The following SLC7A9 variants were observed in gnomAD, a reference collection of about 807,000 sequenced individuals.
The protein encoded by SLC7A9 is B(0,+)-type amino acid transporter 1.
Under a neutral mutation model 54.1 loss-of-function variants are expected in SLC7A9, and 38 were observed. That is an observed-to-expected ratio of 0.70 (90% CI 0.54 to 0.92). The LOEUF is 0.92. Ranked by LOEUF, SLC7A9 falls within the 40% of genes least tolerant of loss-of-function variation. The pLI is 0.00. For synonymous variants in SLC7A9, 264 were observed against 258.9 expected (o/e 1.02, Z -0.19); for missense variants, 537 against 636.1 (o/e 0.84, Z 1.68).
chr19:32,851,213 C>G (rs1256538854), intron 9 of SLC7A9, among the ~76,000 whole-genome samples: 1 of 151,570 alleles, frequency 6.6e-6, no homozygotes. Context: ...ACAGCAAAAG[C>G]AACTACCATC....
chr19:32,834,785 G>A lies in SLC7A9; in HGVS notation c.1225-1462C>T, dbSNP rs113333015. On this transcript the variant is annotated intron_variant, in intron 11 of 12. Coordinates refer to ENST00000023064, the MANE Select transcript of SLC7A9 (RefSeq NM_014270.5). The stretch of plus-strand genomic sequence containing the variant: ...GTCATTGCATTTTTCCTTTGACTGT[G>A]TTTTTTTGTTTGTTTTGTTTCCCAA... Among the ~76,000 whole-genome samples, 32 of 152,086 alleles carry A rather than the reference G, an allele frequency of 2.1e-4. 1 individual carries two copies. Among genetic ancestry groups the A allele is most frequent in the African/African-American group, 7.7e-4 (32 of 41,514 alleles).
chr19:32,830,811 A>AGG lies in SLC7A9; in HGVS notation c.1400-129_1400-128dup, dbSNP rs10645053. 0.55 allele frequency: 416,580 copies of AGG among 751,580 alleles called. 119,485 individuals are homozygous for AGG. Among genetic ancestry groups the AGG allele is most frequent in the East Asian group, 0.85 (32,297 of 37,878 alleles). The allele number at this position is 751,580 out of a possible 1,614,324, so 46.6% of individuals were successfully genotyped here. On this transcript the variant is annotated intron_variant, in intron 12 of 12. Coordinates refer to ENST00000023064, the MANE Select transcript of SLC7A9 (RefSeq NM_014270.5). ...GATGCGTCACCTAGACCCTGTGCTC[A>AGG]GGATGGCCAGCTTTCCTGCCTTCTG...
At chr19:32,869,115 C>T (rs1469662498) in intron 1 of SLC7A9, among the ~76,000 whole-genome samples, 1 of 151,016 alleles carries the variant, frequency 6.6e-6, no homozygotes, top group Non-Finnish European at 1.5e-5. Flanking sequence ...CCCAGCTACT[C>T]GGGAGGCTGA....
chr19:32,855,703 A>G (rs966851647), intron 9 of SLC7A9, among the ~76,000 whole-genome samples: 1 of 150,176 alleles, frequency 6.7e-6, no homozygotes, highest in Admixed American at 6.7e-5. Context: ...CTCCGTCTCA[A>G]AAAAAAAAAT....
intron 9 of SLC7A9, among the ~76,000 whole-genome samples, chr19:32,845,752 A>C (rs550832546): frequency 2.6e-4 from 39 of 152,338 alleles, no homozygotes; most frequent in Middle Eastern, 3.4e-3. Context: ...TCATGCCTGT[A>C]ATCCCAGGAC....
At chr19:32,844,092 T>A in intron 9 of SLC7A9, 141 bp from the exon 10 acceptor site, 1 of 703,336 alleles carries the variant, frequency 1.4e-6, no homozygotes, top group Non-Finnish European at 2.6e-6. Flanking sequence ...GAGCTTCAGA[T>A]GGGGGTCTGT....
At chr19:32,852,071 A>T (rs7507425) in intron 9 of SLC7A9, among the ~76,000 whole-genome samples, 24,729 of 151,996 alleles carry the variant, frequency 0.16, 2,398 homozygotes, top group East Asian at 0.51. Context: ...ACCTAACGTT[A>T]AAATGACGAG....
intron 9 of SLC7A9, among the ~76,000 whole-genome samples, chr19:32,852,184 TA>T (rs200269134): frequency 1.3e-5 from 2 of 150,548 alleles, no homozygotes; most frequent in Non-Finnish European, 1.5e-5. Context: ...ATAATAAAAT[TA>T]AAAAAAAAGA....
At position 32,868,476 on chromosome 19, in the gene SLC7A9, T is replaced by C; in HGVS notation, c.59A>G (p.Glu20Gly). The C allele has an allele frequency of 6.2e-7, 1 of 1,614,066 alleles. No individual in the cohort carries two copies. Among genetic ancestry groups the C allele is most frequent in the Non-Finnish European group, 8.5e-7 (1 of 1,180,002 alleles). ...CTTTTGGAGACTGGTGGTCTTAGGC[T>C]CTTGGCTCTGGATCGACTTCTCATC... ...REDEKSIQSQ[E>G]PKTTSLQKEL... is the part of the protein sequence containing the mutation. Residue 20 changes from glutamate (E) to glycine (G), a missense_variant, in exon 2 of 13, where the codon GAG becomes GGG. By Grantham distance (98) the Glu-to-Gly change is moderately conservative. Transcript: ENST00000023064.
chr19:32,855,650 C>A (rs183837364), intron 9 of SLC7A9, among the ~76,000 whole-genome samples: 1 of 151,692 alleles, frequency 6.6e-6, no homozygotes, highest in Non-Finnish European at 1.5e-5. Flanking sequence ...TGCAGTGAGC[C>A]GAGATCATGC....
At chr19:32,866,126 G>A (rs1968963934) in intron 2 of SLC7A9, among the ~76,000 whole-genome samples, 1 of 152,192 alleles carries the variant, frequency 6.6e-6, no homozygotes, top group Admixed American at 6.5e-5. Flanking sequence ...ACCTGTCTGG[G>A]AAGAAGCTGG....
intron 9 of SLC7A9, among the ~76,000 whole-genome samples, chr19:32,852,281 G>A (rs561335883): frequency 7.9e-5 from 12 of 152,022 alleles, no homozygotes; most frequent in Admixed American, 2.0e-4. Flanking sequence ...GCTTGAGGCC[G>A]GGAGTTTGAG....
intron 9 of SLC7A9, among the ~76,000 whole-genome samples, chr19:32,851,275 T>C (rs1423033597): frequency 1.3e-5 from 2 of 151,646 alleles, no homozygotes; most frequent in Non-Finnish European, 3.0e-5. Flanking sequence ...AACCTACTCA[T>C]CTGACAAAGG....
chr19:32,864,486 C>T (rs534674553), intron 3 of SLC7A9, 143 bp downstream of exon 3: 3 of 1,506,122 alleles, frequency 2.0e-6, no homozygotes, highest in South Asian at 1.1e-5. Context: ...CAGCGTTGGA[C>T]ATTCAGTCCA....
At chr19:32,862,879 C>G in intron 4 of SLC7A9, 1 of 204,650 alleles carries the variant, frequency 4.9e-6, no homozygotes, top group Non-Finnish European at 9.7e-6. Context: ...GAGGTTCTAG[C>G]GGGGGAGCGC....
Position 32,864,730 on chromosome 19 carries a change from C to A in SLC7A9, c.134G>T (p.Gly45Val). 6.2e-7 allele frequency: 1 copy of A among 1,614,180 alleles called. No homozygotes were observed. The highest frequency in any genetic ancestry group is 8.5e-7 in the Non-Finnish European group (1 of 1,180,038). The change falls in exon 3 of 13, where the codon GGC (glycine) becomes GTC (valine). Residue 45 changes from glycine to valine, a missense_variant. By Grantham distance (109) the Gly-to-Val change is moderately radical (BLOSUM62 -3). Transcript: ENST00000023064. ...CTTGGGGGAAACGAAGATCCCAGAG[C>A]CAATGATGGTGCCCACGATGATGGA... ...GISIIVGTII[G>V]SGIFVSPKSV... is the part of the protein sequence containing the mutation.
intron 5 of SLC7A9, 54 bp downstream of exon 5, chr19:32,862,407 A>C (rs1208063905): frequency 1.2e-6 from 2 of 1,608,574 alleles, no homozygotes; most frequent in Non-Finnish European, 1.7e-6. Flanking sequence ...TCCTGCTCCC[A>C]GTGGAAGGGC....
intron 1 of SLC7A9, 137 bp from the exon 2 acceptor site, chr19:32,868,782 C>T: frequency 1.7e-6 from 1 of 573,146 alleles, no homozygotes; most frequent in South Asian, 1.9e-5. Context: ...CGCTGCTCTC[C>T]AAAGCTCAGC....
intron 10 of SLC7A9, 137 bp downstream of exon 10, chr19:32,843,718 G>T: frequency 1.4e-6 from 1 of 699,638 alleles, no homozygotes. Context: ...TGTTTCACTT[G>T]TCCTGGGACT....
Sources: allele counts gnomAD v4.1 joint callset (sites outside exome capture counted in the v4.1 genomes callset), GRCh38; gene constraint gnomAD v4.1.1; transcripts MANE v1.5; gene names NCBI Gene and HGNC (gene_info 2026-07-23, HGNC 2026-07-21).